Variants in EGFR observed in about 807,000 individuals in gnomAD.
The protein encoded by EGFR is epidermal growth factor receptor, also known as avian erythroblastic leukemia viral (v-erb-b) oncogene homolog.
EGFR carries 58 observed loss-of-function variants against 143.0 expected under a neutral mutation model. The ratio of observed to expected loss-of-function variants is 0.41; its 90% confidence interval spans 0.33 to 0.50. The LOEUF is 0.50. EGFR is among the 20% of genes least tolerant of loss of function. The pLI is 0.39. For synonymous variants in EGFR, 613 were observed against 594.4 expected (o/e 1.03, Z -0.45); for missense variants, 1,307 against 1,579.0 (o/e 0.83, Z 2.92).
At chr7:55,146,822 A>G in intron 4 of EGFR, 82 bp downstream of exon 4, 2 of 1,580,308 alleles carry the variant, frequency 1.3e-6, no homozygotes, top group Non-Finnish European at 1.7e-6. Flanking sequence ...GAGAGAAGCC[A>G]TGTTTAGTAA....
At chr7:55,095,857 A>G (rs908888966) in intron 1 of EGFR, among the ~76,000 whole-genome samples, 21 of 151,868 alleles carry the variant, frequency 1.4e-4, no homozygotes, top group Non-Finnish European at 2.8e-4. Context: ...ACAGACACAC[A>G]GAGACATACC....
chr7:55,065,796 G>T (rs1234079956), intron 1 of EGFR, among the ~76,000 whole-genome samples: 2 of 151,252 alleles, frequency 1.3e-5, no homozygotes, highest in Non-Finnish European at 2.9e-5. Context: ...CTGAAGGCAA[G>T]GGGAAGGGGA....
chr7:55,073,749 T>C (rs925290410), intron 1 of EGFR, among the ~76,000 whole-genome samples: 2 of 152,174 alleles, frequency 1.3e-5, no homozygotes, highest in African/African-American at 4.8e-5. Flanking sequence ...GTTAATTACA[T>C]AGAGACATTC....
rs1238628425 is a variant in EGFR at position 55,019,261 on chromosome 7, C to A, written c.-17C>A. 6.7e-7 allele frequency: 1 copy of A among 1,484,616 alleles called. No homozygotes were observed. The highest frequency in any genetic ancestry group is 9.0e-7 in the Non-Finnish European group (1 of 1,110,834). The allele number at this position is 1,484,616 out of a possible 1,614,324, so 92.0% of individuals were successfully genotyped here. A position where few individuals can be genotyped will look rare whatever the true frequency, so the allele number is the denominator to read the frequency against. On this transcript the variant is annotated 5_prime_UTR_variant, in exon 1 of 28. Coordinates refer to ENST00000275493, the MANE Select transcript of EGFR (RefSeq NM_005228.5). ...TATTGATCGGGAGAGCCGGAGCGAG[C>A]TCTTCGGGGAGCAGCGATGCGACCC...
In EGFR at chr7:55,173,056, G is replaced by T. The variant is rs745422316; in HGVS notation, c.1993G>T (p.Gly665Cys). 6.2e-7 allele frequency: 1 copy of T among 1,613,764 alleles called. No individual in the cohort carries two copies. Among genetic ancestry groups the T allele is most frequent in the South Asian group, 1.1e-5 (1 of 91,080 alleles). The stretch of plus-strand genomic sequence containing the variant: ...GCTGCTGGTGGTGGCCCTGGGGATC[G>T]GCCTCTTCATGCGAAGGCGCCACAT... ...LLLLVVALGIGLFMRRRHIVR... is the reference protein window; with the variant it reads ...LLLLVVALGICLFMRRRHIVR... Residue 665 changes from glycine to cysteine, a missense_variant, in exon 17 of 28, where the codon GGC (glycine) becomes TGC (cysteine). Gly to Cys is a radical substitution (Grantham distance 159). Coordinates refer to ENST00000275493, the MANE Select transcript of EGFR (RefSeq NM_005228.5).
chr7:55,166,466 T>G (rs1247844098), intron 15 of EGFR, among the ~76,000 whole-genome samples: 1 of 152,266 alleles, frequency 6.6e-6, no homozygotes, highest in East Asian at 1.9e-4. Flanking sequence ...GCTGCATAGC[T>G]CACAGGATTT....
intron 1 of EGFR, among the ~76,000 whole-genome samples, chr7:55,129,421 T>C (rs527745309): frequency 1.3e-5 from 2 of 152,358 alleles, no homozygotes; most frequent in African/African-American, 4.8e-5. Flanking sequence ...ATCAAGGGAC[T>C]GGTTTCAGCT....
intron 1 of EGFR, among the ~76,000 whole-genome samples, chr7:55,049,944 A>T (rs938697561): frequency 6.6e-6 from 1 of 152,126 alleles, no homozygotes; most frequent in Non-Finnish European, 1.5e-5. Context: ...GGCATCTGGC[A>T]TCACCTTCAC....
chr7:55,178,031 C>T (rs1786677860), intron 19 of EGFR, among the ~76,000 whole-genome samples: 1 of 152,202 alleles, frequency 6.6e-6, no homozygotes, highest in Non-Finnish European at 1.5e-5. Context: ...GGCGGGGCTC[C>T]AGGCTCTGTG....
chr7:55,168,068 T>A (rs1475744598), intron 15 of EGFR, among the ~76,000 whole-genome samples: 1 of 152,206 alleles, frequency 6.6e-6, no homozygotes, highest in African/African-American at 2.4e-5. Flanking sequence ...AATATTTCCC[T>A]GGGAACAATG....
intron 1 of EGFR, among the ~76,000 whole-genome samples, chr7:55,129,166 T>C (rs946949553): frequency 1.3e-5 from 2 of 152,204 alleles, no homozygotes; most frequent in Admixed American, 1.3e-4. Flanking sequence ...TGCTCATACA[T>C]GAGAGAAAGC....
chr7:55,122,231 G>A (rs150644797), intron 1 of EGFR, among the ~76,000 whole-genome samples: 4 of 152,260 alleles, frequency 2.6e-5, no homozygotes, highest in South Asian at 2.1e-4. Context: ...CTAGTCCTCC[G>A]TCGACCTTGG....
At chr7:55,020,782 G>A (rs1166102404) in intron 1 of EGFR, among the ~76,000 whole-genome samples, 1 of 152,068 alleles carries the variant, frequency 6.6e-6, no homozygotes, top group Non-Finnish European at 1.5e-5. Flanking sequence ...GATGTCATTG[G>A]CTTGGGGAGT....
intron 7 of EGFR, among the ~76,000 whole-genome samples, chr7:55,154,471 G>T (rs1214657579): frequency 6.6e-6 from 1 of 152,222 alleles, no homozygotes; most frequent in Non-Finnish European, 1.5e-5. Context: ...ACAGCCGTGG[G>T]TATTCAGTTG....
chr7:55,187,434 C>T (rs532177818), intron 20 of EGFR, among the ~76,000 whole-genome samples: 3 of 152,270 alleles, frequency 2.0e-5, no homozygotes, highest in Admixed American at 6.5e-5. Context: ...ATGGTGCAGC[C>T]TCTCAGCCTG....
Position 55,205,850 on chromosome 7 carries a change from GA to G in EGFR, c.*235del, listed in dbSNP as rs1369457090. On this transcript the variant is annotated 3_prime_UTR_variant, in exon 28 of 28. Coordinates refer to ENST00000275493, the MANE Select transcript of EGFR (RefSeq NM_005228.5). ...GCATTTACAGAAACGCATCCAGCAA[GA>G]ATATTGTCCCTTTGAGCAGAAATTT... 3.5e-6 allele frequency: 2 copies of G among 579,524 alleles called. No homozygotes were observed. Among genetic ancestry groups the G allele is most frequent in the Admixed American group, 6.1e-5 (2 of 32,930 alleles). 35.9% of individuals were successfully genotyped at this position (579,524 alleles called of 1,614,324 possible).
Position 55,206,923 on chromosome 7 carries a change from A to G in EGFR, c.*1306A>G. ...GAATTCAGGTAGTAAATATGAAACT[A>G]GGGTTTGAAATTGATAATGCTTTCA... On this transcript the variant is annotated 3_prime_UTR_variant, in exon 28 of 28. Transcript: ENST00000275493. The G allele has an allele frequency of 4.3e-6, 1 of 233,274 alleles. No individual in the cohort carries two copies. Among genetic ancestry groups the G allele is most frequent in the Non-Finnish European group, 8.5e-6 (1 of 118,034 alleles). 14.5% of individuals were successfully genotyped at this position (233,274 alleles called of 1,614,324 possible). A position where few individuals can be genotyped will look rare whatever the true frequency, so the allele number is the denominator to read the frequency against.
At chr7:55,194,173 C>G (rs1444251563) in intron 22 of EGFR, among the ~76,000 whole-genome samples, 2 of 152,094 alleles carry the variant, frequency 1.3e-5, no homozygotes, top group African/African-American at 4.8e-5. Context: ...TCCCCTCTTC[C>G]CACTTGCTCC....
chr7:55,070,085 A>T (rs1033245480), intron 1 of EGFR, among the ~76,000 whole-genome samples: 11 of 152,224 alleles, frequency 7.2e-5, no homozygotes, highest in African/African-American at 2.7e-4. Flanking sequence ...ATACTTAGGA[A>T]AAAAAGCTTT....
Sources: allele counts gnomAD v4.1 joint callset (sites outside exome capture counted in the v4.1 genomes callset), GRCh38; gene constraint gnomAD v4.1.1; transcripts MANE v1.5; gene names NCBI Gene and HGNC (gene_info 2026-07-23, HGNC 2026-07-21).